Variants in LRCOL1 observed in about 807,000 individuals in gnomAD.
LRCOL1 encodes the protein leucine-rich colipase-like protein 1.
Under a neutral mutation model 21.6 loss-of-function variants are expected in LRCOL1, and 21 were observed. The ratio of observed to expected loss-of-function variants is 0.97; its 90% CI spans 0.69 to 1.40. The LOEUF (loss-of-function observed/expected upper bound fraction) is 1.40, where lower values mean the gene tolerates loss of function less well. Among genes scored for constraint, LRCOL1 ranks in the 40% most tolerant of loss-of-function variants. The probability of loss-of-function intolerance (pLI) is 0.00; values close to 1 mark genes in which losing one functional copy is unlikely to be tolerated. For missense variants in LRCOL1, 198 were observed against 202.3 expected (o/e 0.98, Z 0.13); for synonymous variants, 98 against 90.1 (o/e 1.09, Z -0.49).
Position 132,604,297 on chromosome 12 carries a change from C to T in LRCOL1, c.434G>A (p.Arg145His), listed in dbSNP as rs766428513. 39 of 1,535,566 alleles carry T rather than the reference C, an allele frequency of 2.5e-5. No homozygotes were observed. The South Asian group carries it at 3.9e-4, about 15-fold the overall frequency. Residue 145 changes from arginine (R) to histidine (H), a missense_variant, in exon 5 of 6, where the codon CGC becomes CAC. Transcript: ENST00000376608. ...CIQLREYSPF[R>H]CIPRTGILAQ... ...CAGGATCCCGGTCCGGGGAATGCAG[C>T]GGAAGGGGCTGTACTCCCTCAGCTG...
At chr12:132,603,631 C>T (rs1593647578) in intron 5 of LRCOL1, 1 of 89,150 alleles carries the variant, frequency 1.1e-5, no homozygotes, top group South Asian at 4.1e-4. Context: ...CTGGTGGTAC[C>T]CGAGGGCGCC....
intron 1 of LRCOL1, among the ~76,000 whole-genome samples, chr12:132,607,254 G>A (rs944585442): frequency 4.6e-5 from 7 of 152,190 alleles, no homozygotes; most frequent in Non-Finnish European, 7.3e-5. Flanking sequence ...CATTAGGAGG[G>A]TCTCTCTTTT....
At chr12:132,609,473 C>T (rs751618098) in intron 1 of LRCOL1, among the ~76,000 whole-genome samples, 29 of 152,120 alleles carry the variant, frequency 1.9e-4, no homozygotes, top group Admixed American at 9.2e-4. Flanking sequence ...CCAAGGTGGG[C>T]GATTACCTGA....
Position 132,610,360 on chromosome 12 carries a change from G to A in LRCOL1, c.-51C>T, listed in dbSNP as rs2041356623. On this transcript the variant is annotated 5_prime_UTR_variant, in exon 1 of 6. Transcript: ENST00000376608. ...GGCGCCAGCAGCCCCTCTGTGTAGA[G>A]GTGAGACAGGCCAAGCTGCAGCTTC... is the stretch of plus-strand genomic sequence containing the variant. The A allele has an allele frequency of 6.6e-6, 1 of 152,234 alleles. No individual in the cohort carries two copies. Among genetic ancestry groups the A allele is most frequent in the African/African-American group, 2.4e-5 (1 of 41,436 alleles). 9.4% of individuals were successfully genotyped at this position (152,234 alleles called of 1,614,324 possible).
intron 5 of LRCOL1, 100 bp from the exon 6 acceptor site, chr12:132,603,504 C>G (rs1252808521): frequency 6.5e-7 from 1 of 1,534,170 alleles, no homozygotes; most frequent in Admixed American, 2.0e-5. Context: ...CTCCCGGCAC[C>G]AGCCTCGTGG....
intron 1 of LRCOL1, among the ~76,000 whole-genome samples, chr12:132,609,909 C>A (rs980321018): frequency 1.3e-5 from 2 of 152,210 alleles, no homozygotes; most frequent in African/African-American, 4.8e-5. Flanking sequence ...GTTTTTCCTG[C>A]AATTATCAAT....
In LRCOL1 at chr12:132,604,454, C is replaced by A. The variant is rs781153766; in HGVS notation, c.354+8G>T. 4.7e-6 allele frequency: 7 copies of A among 1,499,162 alleles called. No homozygotes were observed. The South Asian group carries it at 6.0e-5, about 13-fold the overall frequency. The allele number at this position is 1,499,162 out of a possible 1,614,324, so 92.9% of individuals were successfully genotyped here. On this transcript the variant is annotated splice_region_variant and intron_variant, in intron 4 of 5. Transcript: ENST00000376608. ...CTGCTCCATCTGCCCCGGGTGCCCG[C>A]AGCTCACCTTGCGCCAGGGCACACA...
intron 5 of LRCOL1, 171 bp downstream of exon 5, chr12:132,604,083 C>T: frequency 1.4e-6 from 2 of 1,425,512 alleles, no homozygotes; most frequent in South Asian, 3.0e-5. Context: ...CTCTGCGGCC[C>T]CCACCTTATG....
intron 2 of LRCOL1, 181 bp from the exon 3 acceptor site, chr12:132,605,012 C>T (rs957592141): frequency 1.7e-4 from 238 of 1,424,142 alleles, no homozygotes; most frequent in Non-Finnish European, 2.1e-4. Flanking sequence ...GTGCTGGGGG[C>T]CCGGGGCTGA....
intron 5 of LRCOL1, 89 bp downstream of exon 5, chr12:132,604,165 C>T (rs868066833): frequency 7.5e-6 from 11 of 1,458,544 alleles, no homozygotes; most frequent in Middle Eastern, 2.4e-4. Context: ...CTCACAGCCG[C>T]GGTCCCGGTC....
chr12:132,605,914 C>A, intron 2 of LRCOL1: 1 of 539,510 alleles, frequency 1.9e-6, no homozygotes, highest in Non-Finnish European at 3.3e-6. Flanking sequence ...CTGGGGTCGC[C>A]GTCCCATAGC....
At chr12:132,603,771 G>GC in intron 5 of LRCOL1, 11 of 985,410 alleles carry the variant, frequency 1.1e-5, no homozygotes, top group Non-Finnish European at 1.3e-5. Flanking sequence ...TGGCGACCTG[G>GC]CCCCCTCCCC....
chr12:132,605,553 A>AC (rs1357618991), intron 2 of LRCOL1, among the ~76,000 whole-genome samples: 1 of 151,950 alleles, frequency 6.6e-6, no homozygotes, highest in Non-Finnish European at 1.5e-5. Context: ...ACATGGTGAA[A>AC]CCCCATCTCT....
rs1351107851 is a variant in LRCOL1 at position 132,606,379 on chromosome 12, G to A, written c.-13-115C>T. ...CCCTTCCCGATCCTTTCTCTTGCAAGACAGACTTTTAAAAACTTAATGGAC... is the reference window on the plus strand; with the variant it reads ...CCCTTCCCGATCCTTTCTCTTGCAAAACAGACTTTTAAAAACTTAATGGAC... On this transcript the variant is annotated intron_variant, in intron 1 of 5. Transcript: ENST00000376608. This position sits in a 1 kb window ranked among gnomAD's most constrained non-coding sequence, Gnocchi z 4.6. 9 of 877,816 alleles carry A rather than the reference G, an allele frequency of 1.0e-5. No homozygotes were observed. Among genetic ancestry groups the A allele is most frequent in the South Asian group, 3.6e-5 (2 of 55,832 alleles). 54.4% of individuals were successfully genotyped at this position (877,816 alleles called of 1,614,324 possible). A position where few individuals can be genotyped will look rare whatever the true frequency, so the allele number is the denominator to read the frequency against.
intron 1 of LRCOL1, among the ~76,000 whole-genome samples, chr12:132,608,320 C>T (rs533728934): frequency 6.6e-6 from 1 of 152,306 alleles, no homozygotes; most frequent in East Asian, 1.9e-4. Flanking sequence ...TGCGGCTGGG[C>T]AGCCTCCCCG....
Position 132,606,637 on chromosome 12 carries a change from A to G in LRCOL1, c.-13-373T>C, listed in dbSNP as rs1046298775. On this transcript the variant is annotated intron_variant, in intron 1 of 5. Coordinates refer to ENST00000376608, the MANE Select transcript of LRCOL1 (RefSeq NM_001195520.2). This position sits in a 1 kb window ranked among gnomAD's most constrained non-coding sequence, Gnocchi z 4.6. ...GGGTGAGTGCGTTCTCATAACTGCCATTTCAGTATCCTGCAAAGCCGATCC... is the reference window on the plus strand; with the variant it reads ...GGGTGAGTGCGTTCTCATAACTGCCGTTTCAGTATCCTGCAAAGCCGATCC... 4.6e-5 allele frequency among the ~76,000 whole-genome samples: 7 copies of G among 151,962 alleles called. 1 individual carries two copies. Among genetic ancestry groups the G allele is most frequent in the Admixed American group, 3.9e-4 (6 of 15,264 alleles).
chr12:132,603,721 C>T, intron 5 of LRCOL1: 1 of 985,442 alleles, frequency 1.0e-6, no homozygotes, highest in Non-Finnish European at 1.2e-6. Context: ...CTCTGGGCTC[C>T]AGCAAACACG....
intron 2 of LRCOL1, chr12:132,605,218 G>C (rs756072782): frequency 1.5e-5 from 12 of 805,100 alleles, no homozygotes; most frequent in Non-Finnish European, 1.8e-5. Flanking sequence ...TGAGAGCCAG[G>C]CCTCCCCCCT....
chr12:132,604,451 C>T lies in LRCOL1; in HGVS notation c.354+11G>A, dbSNP rs1226314955. On this transcript the variant is annotated intron_variant, in intron 4 of 5. Coordinates refer to ENST00000376608, the MANE Select transcript of LRCOL1 (RefSeq NM_001195520.2). ...CCCCTGCTCCATCTGCCCCGGGTGC[C>T]CGCAGCTCACCTTGCGCCAGGGCAC... The T allele has an allele frequency of 7.8e-6, 12 of 1,528,946 alleles. No homozygotes were observed. The highest frequency in any genetic ancestry group is 9.6e-6 in the Non-Finnish European group (11 of 1,145,170). 94.7% of individuals were successfully genotyped at this position (1,528,946 alleles called of 1,614,324 possible).
Sources: gnomAD v4.1 joint callset for allele counts (sites outside exome capture counted in the v4.1 genomes callset) on GRCh38, gnomAD v4.1.1 for gene constraint, Gnocchi (gnomAD v3.1) non-coding constraint, MANE v1.5 for transcripts, NCBI Gene and HGNC (gene_info 2026-07-23, HGNC 2026-07-21) for gene names.